Variants in SLC19A1 observed in about 807,000 individuals in gnomAD.
SLC19A1 encodes the protein solute carrier family 19 member 1.
Under a neutral mutation model 35.3 loss-of-function variants are expected in SLC19A1, and 37 were observed. That is an observed-to-expected ratio of 1.05 (90% CI 0.81 to 1.38). The LOEUF is 1.38. Among genes scored for constraint, SLC19A1 ranks in the 40% most tolerant of loss-of-function variants. SLC19A1 has a pLI of 0.00. For missense variants in SLC19A1, 831 were observed against 826.9 expected, an observed-to-expected ratio of 1.00 and a Z score of -0.06; for synonymous variants, 460 against 398.5, an observed-to-expected ratio of 1.15 and a Z score of -1.84.
intron 1 of SLC19A1, among the ~76,000 whole-genome samples, chr21:45,550,785 C>CCCTCT (rs1456169990): frequency 6.6e-6 from 1 of 152,046 alleles, no homozygotes; most frequent in East Asian, 1.9e-4. Flanking sequence ...GTCTGCAGAC[C>CCCTCT]CCTCTCCTCT....
downstream of SLC19A1, chr21:45,507,720 A>G: frequency 1.1e-6 from 1 of 893,642 alleles, no homozygotes; most frequent in Non-Finnish European, 1.8e-6. Flanking sequence ...GCTCACCATC[A>G]GCCCCTGCTG....
intron 3 of SLC19A1, chr21:45,504,619 CA>C: frequency 6.8e-7 from 1 of 1,461,832 alleles, no homozygotes; most frequent in Non-Finnish European, 9.3e-7. Context: ...GAGCCGAGGG[CA>C]GGTCCAGCCC....
At chr21:45,538,525 G>C (rs1200635274) in intron 1 of SLC19A1, among the ~76,000 whole-genome samples, 1 of 152,220 alleles carries the variant, frequency 6.6e-6, no homozygotes, top group Non-Finnish European at 1.5e-5. Context: ...TCACACCACA[G>C]GTGGCCAGCG....
chr21:45,548,741 C>T (rs1227758888), upstream of SLC19A1, among the ~76,000 whole-genome samples: 1 of 151,434 alleles, frequency 6.6e-6, no homozygotes, highest in Non-Finnish European at 1.5e-5. Context: ...AAGACTCTGT[C>T]TAAAAAAATA....
chr21:45,505,865 A>T, intron 3 of SLC19A1: 3 of 1,593,210 alleles, frequency 1.9e-6, no homozygotes, highest in Non-Finnish European at 2.6e-6. Context: ...ACGCCAGGCC[A>T]TGCTGGGCCA....
upstream of SLC19A1, among the ~76,000 whole-genome samples, chr21:45,548,850 TG>T (rs1371795333): frequency 6.6e-6 from 1 of 152,228 alleles, no homozygotes; most frequent in Non-Finnish European, 1.5e-5. Flanking sequence ...CATTAAGGCC[TG>T]AAGTACCAAA....
rs540468774 is a variant in SLC19A1, at chr21:45,506,105, T to C, written c.498-7493A>G. ...CAGCGCTTCTTAAACTTTCAAACTT[T>C]TGGTAAAGTTTAGTAAAATACTTTT... On this transcript the variant is annotated intron_variant, in intron 3 of 4. Transcript: ENST00000417954. 2.6e-4 allele frequency: 347 copies of C among 1,338,818 alleles called. 2 individuals carry two copies. In the African/African-American group the frequency reaches 4.4e-3, roughly 17 times the overall value. 82.9% of individuals were successfully genotyped at this position (1,338,818 alleles called of 1,614,324 possible).
exon 1 of SLC19A1, among the ~76,000 whole-genome samples, chr21:45,562,988 G>T (rs2078628704): frequency 6.6e-6 from 1 of 152,206 alleles, no homozygotes; most frequent in South Asian, 2.1e-4. Flanking sequence ...AATACTCAAG[G>T]CCAGGGAAAG....
At position 45,530,685 on chromosome 21, in the gene SLC19A1, G is replaced by A; in HGVS notation, c.1151+85C>T. 1 of 1,379,810 alleles carries A rather than the reference G, an allele frequency of 7.2e-7. No homozygotes were observed. Among genetic ancestry groups the A allele is most frequent in the South Asian group, 1.3e-5 (1 of 77,048 alleles). The allele number at this position is 1,379,810 out of a possible 1,614,324, so 85.5% of individuals were successfully genotyped here. ...GCAGTGGCACAGCCGCTGGGGCGCA[G>A]CAGGAAGGTGGGAGCACCCAGCGAA... On this transcript the variant is annotated intron_variant, in intron 4 of 5. Transcript: ENST00000311124. The surrounding 1 kb of genome is among the most constrained non-coding windows in gnomAD (Gnocchi z 5.3).
chr21:45,512,549 A>G (rs755756703), downstream of SLC19A1: 10 of 707,388 alleles, frequency 1.4e-5, no homozygotes, highest in Non-Finnish European at 2.1e-5. Flanking sequence ...TCAAGAAATA[A>G]AAGGAAGCCA....
intron 3 of SLC19A1, chr21:45,507,326 G>T: frequency 1.7e-6 from 1 of 601,544 alleles, no homozygotes; most frequent in Non-Finnish European, 3.0e-6. Flanking sequence ...CTGTGGGCTG[G>T]CAGGGCCGGG....
chr21:45,553,643 T>C (rs185916241), intron 1 of SLC19A1, among the ~76,000 whole-genome samples: 357 of 3,428 alleles, frequency 0.1, 6 homozygotes, highest in African/African-American at 0.15. Context: ...GCCCCCCTCC[T>C]AGTCCCCCCG....
chr21:45,552,078 G>A (rs965290221), intron 1 of SLC19A1, among the ~76,000 whole-genome samples: 1 of 152,298 alleles, frequency 6.6e-6, no homozygotes. Context: ...GTGTCTGCCC[G>A]AGTGTCTGAC....
In SLC19A1 at chr21:45,533,257, C is replaced by A. The variant is rs997874955; in HGVS notation, c.190-1109G>T. Among the ~76,000 whole-genome samples, 1 of 149,352 alleles carries A rather than the reference C, an allele frequency of 6.7e-6. No individual in the cohort carries two copies. Among genetic ancestry groups the A allele is most frequent in the Non-Finnish European group, 1.5e-5 (1 of 67,032 alleles). On this transcript the variant is annotated intron_variant, in intron 2 of 5. Transcript: ENST00000311124. This position sits in a 1 kb window ranked among gnomAD's most constrained non-coding sequence, Gnocchi z 4.5. ...CTGGCTTCCATGCCTGTGGCCTCAACACACATCCACCTTCCATGGGAACGT... is the reference window on the plus strand; with the variant it reads ...CTGGCTTCCATGCCTGTGGCCTCAAAACACATCCACCTTCCATGGGAACGT...
rs1408737201 is a variant in SLC19A1 at position 45,530,767 on chromosome 21, C to T, written c.1151+3G>A. 6.4e-7 allele frequency: 1 copy of T among 1,554,240 alleles called. No individual in the cohort carries two copies. On this transcript the variant is annotated splice_donor_region_variant and intron_variant, in intron 4 of 5. Coordinates refer to ENST00000311124, the MANE Select transcript of SLC19A1 (RefSeq NM_194255.4). This position sits in a 1 kb window ranked among gnomAD's most constrained non-coding sequence, Gnocchi z 5.3. Reference sequence around the variant, plus strand: ...CCCGGCTTCCCACCCTTCTGGAACTCACGTGGCGATGGGCACGAGGAACTG... The same window carrying T: ...CCCGGCTTCCCACCCTTCTGGAACTTACGTGGCGATGGGCACGAGGAACTG...
chr21:45,516,227 CCCT>C, intron 5 of SLC19A1, 87 bp from the exon 6 acceptor site: 1 of 1,048,550 alleles, frequency 9.5e-7, no homozygotes, highest in East Asian at 2.4e-5. Context: ...CCCAGGCTCA[CCCT>C]CCTCCAGCTC....
intron 1 of SLC19A1, chr21:45,541,905 G>C (rs1382584999): frequency 6.6e-6 from 1 of 152,218 alleles, no homozygotes; most frequent in African/African-American, 2.4e-5. Context: ...GCTGGGGGCC[G>C]GGACTCCCCA....
intron 1 of SLC19A1, among the ~76,000 whole-genome samples, chr21:45,558,681 G>A (rs1056102205): frequency 7.2e-5 from 11 of 152,192 alleles, no homozygotes; most frequent in African/African-American, 1.9e-4. Context: ...TGAGGGAGTC[G>A]GGGCAGCCTT....
Position 45,525,976 on chromosome 21 carries a change from G to A in SLC19A1, c.1152-18C>T, listed in dbSNP as rs772775710. On this transcript the variant is annotated intron_variant, in intron 4 of 5. Coordinates refer to ENST00000311124, the MANE Select transcript of SLC19A1 (RefSeq NM_194255.4). ...TCTGAAAGCTGAACGGGAAGAGCGG[G>A]CAGATCAGGCGCTGCTGGGAGAATA... is the stretch of plus-strand genomic sequence containing the variant. 3 of 1,611,202 alleles carry A rather than the reference G, an allele frequency of 1.9e-6. No homozygotes were observed. Among genetic ancestry groups the A allele is most frequent in the Non-Finnish European group, 2.5e-6 (3 of 1,178,884 alleles).
Sources: gnomAD v4.1 joint callset for allele counts (sites outside exome capture counted in the v4.1 genomes callset) on GRCh38, gnomAD v4.1.1 for gene constraint, Gnocchi (gnomAD v3.1) non-coding constraint, MANE v1.5 for transcripts, NCBI Gene and HGNC (gene_info 2026-07-23, HGNC 2026-07-21) for gene names.